GNAQ: variants seen among roughly 807,000 people sequenced by gnomAD.
The protein encoded by GNAQ is G protein subunit alpha q, also known as guanine nucleotide-binding protein G(q) subunit alpha.
A neutral mutation model predicts 43.9 loss-of-function variants in GNAQ; 8 were observed. The observed-to-expected ratio is 0.18, with a 90% CI of 0.11 to 0.33. GNAQ has a LOEUF of 0.33. GNAQ is among the 10% of genes least tolerant of loss of function. GNAQ has a pLI of 1.00. For synonymous variants in GNAQ, 155 were observed against 170.7 expected, an observed-to-expected ratio of 0.91 and a Z score of 0.71; for missense variants, 158 against 450.8, an observed-to-expected ratio of 0.35 and a Z score of 5.88.
intron 1 of GNAQ, among the ~76,000 whole-genome samples, chr9:77,981,819 T>C (rs577681529): frequency 3.7e-4 from 56 of 152,334 alleles, no homozygotes; most frequent in Admixed American, 1.4e-3. Flanking sequence ...TAGAAAGCTT[T>C]TGCATTTTCA....
intron 1 of GNAQ, among the ~76,000 whole-genome samples, chr9:78,023,731 A>T (rs188257270): frequency 3.5e-4 from 53 of 150,540 alleles, no homozygotes; most frequent in Admixed American, 8.6e-4. Context: ...GATGCTGATT[A>T]AAAAAAAAAT....
At chr9:77,864,808 C>G (rs528526529) in intron 2 of GNAQ, among the ~76,000 whole-genome samples, 1 of 152,312 alleles carries the variant, frequency 6.6e-6, no homozygotes, top group East Asian at 1.9e-4. Flanking sequence ...TTTTCTGGTT[C>G]TGCTCACTGT....
chr9:77,835,453 A>G (rs1827368161), intron 2 of GNAQ, among the ~76,000 whole-genome samples: 2 of 152,138 alleles, frequency 1.3e-5, no homozygotes, highest in South Asian at 2.1e-4. Context: ...AAATCTAACG[A>G]TTTAAAAATA....
intron 3 of GNAQ, among the ~76,000 whole-genome samples, chr9:77,814,613 T>C (rs1351320713): frequency 1.3e-5 from 2 of 152,192 alleles, no homozygotes; most frequent in African/African-American, 2.4e-5. Context: ...ACAATTTTAC[T>C]GAAAAAACAG....
At position 77,787,949 on chromosome 9, in the gene GNAQ, G is replaced by A. The variant is rs1185982809; in HGVS notation, c.735+6514C>T. On this transcript the variant is annotated intron_variant, in intron 5 of 6. Coordinates refer to ENST00000286548, the MANE Select transcript of GNAQ (RefSeq NM_002072.5). ...GGAGGCTGAGACAGGAGAGTCGCTC[G>A]AACCCGGGAGGCAGAGGCTGCAAGT... Among the ~76,000 whole-genome samples the A allele has an allele frequency of 5.3e-5, 8 of 152,286 alleles. No homozygotes were observed. In the South Asian group the frequency reaches 1.2e-3, roughly 24 times the overall value.
intron 5 of GNAQ, among the ~76,000 whole-genome samples, chr9:77,772,917 C>CA (rs1315396283): frequency 2.0e-5 from 3 of 152,020 alleles, no homozygotes; most frequent in Admixed American, 1.3e-4. Flanking sequence ...TAAACAAAAA[C>CA]AAAAAAACCA....
In GNAQ at chr9:77,967,911, C is replaced by G. The variant is rs566691467; in HGVS notation, c.137-45566G>C. Among the ~76,000 whole-genome samples the G allele has an allele frequency of 3.7e-4, 56 of 151,914 alleles. No individual in the cohort carries two copies. In the East Asian group the frequency reaches 4.1e-3, roughly 11 times the overall value. On this transcript the variant is annotated intron_variant, in intron 1 of 6. Transcript: ENST00000286548. ...AGGAGAATCGCTTGAACTTGGGAGGCGGAGGTTGCAGTGAACCGAGATCAT... is the reference window on the plus strand; with the variant it reads ...AGGAGAATCGCTTGAACTTGGGAGGGGGAGGTTGCAGTGAACCGAGATCAT...
intron 1 of GNAQ, among the ~76,000 whole-genome samples, chr9:77,976,440 T>C (rs1339074243): frequency 6.6e-6 from 1 of 152,210 alleles, no homozygotes; most frequent in Non-Finnish European, 1.5e-5. Context: ...TTGCCCAGGC[T>C]GGAGTGCAAT....
intron 2 of GNAQ, among the ~76,000 whole-genome samples, chr9:77,907,816 C>G (rs151173052): frequency 6.6e-6 from 1 of 152,140 alleles, no homozygotes; most frequent in Non-Finnish European, 1.5e-5. Flanking sequence ...CCTGGGGACA[C>G]GGCAGTAACT....
rs532298197 is a variant in GNAQ at position 77,794,797 on chromosome 9, T to C, written c.606-205A>G. Among the ~76,000 whole-genome samples the C allele has an allele frequency of 1.7e-4, 26 of 152,296 alleles. No individual in the cohort carries two copies. In the South Asian group the frequency reaches 5.2e-3, roughly 30 times the overall value. On this transcript the variant is annotated intron_variant, in intron 4 of 6. Coordinates refer to ENST00000286548, the MANE Select transcript of GNAQ (RefSeq NM_002072.5). ...TTAAAACATTCTGGGTAACACATCATGATGGTTTTAAGAAAGTTACCAGTG... is the reference window on the plus strand; with the variant it reads ...TTAAAACATTCTGGGTAACACATCACGATGGTTTTAAGAAAGTTACCAGTG...
chr9:77,990,180 T>C lies in GNAQ; in HGVS notation c.136+40920A>G, dbSNP rs141739189. Among the ~76,000 whole-genome samples, 390 of 152,336 alleles carry C rather than the reference T, an allele frequency of 2.6e-3. 4 individuals are homozygous for C. The Middle Eastern group carries it at 0.071, about 28-fold the overall frequency. ...CATTCTGTAGGTATTCAGTGCCTCA[T>C]GGAATTGGAGGATTCTTGTTGAAAA... On this transcript the variant is annotated intron_variant, in intron 1 of 6. Coordinates refer to ENST00000286548, the MANE Select transcript of GNAQ (RefSeq NM_002072.5).
At chr9:77,834,712 G>C (rs1272970053) in intron 2 of GNAQ, among the ~76,000 whole-genome samples, 1 of 152,152 alleles carries the variant, frequency 6.6e-6, no homozygotes, top group Admixed American at 6.5e-5. Flanking sequence ...GTACCAGAAA[G>C]GTAGTGACTT....
At chr9:77,921,049 CA>C (rs1564152271) in intron 2 of GNAQ, among the ~76,000 whole-genome samples, 1 of 152,104 alleles carries the variant, frequency 6.6e-6, no homozygotes, top group South Asian at 2.1e-4. Context: ...GTAGATTTAT[CA>C]AAAGTACTGA....
chr9:77,941,166 C>T (rs1191053952), intron 1 of GNAQ, among the ~76,000 whole-genome samples: 1 of 152,036 alleles, frequency 6.6e-6, no homozygotes, highest in Non-Finnish European at 1.5e-5. Flanking sequence ...ATTTGGAAAT[C>T]TAAGGCAAAA....
intron 1 of GNAQ, among the ~76,000 whole-genome samples, chr9:77,990,729 G>A (rs927935836): frequency 1.2e-4 from 19 of 152,176 alleles, no homozygotes; most frequent in African/African-American, 3.6e-4. Flanking sequence ...TGTTGGAATC[G>A]AAAATTTGGC....
intron 2 of GNAQ, among the ~76,000 whole-genome samples, chr9:77,837,847 ATTTT>A (rs71360655): frequency 1.6e-5 from 2 of 128,966 alleles, no homozygotes; most frequent in Non-Finnish European, 1.6e-5. Context: ...AGTGATTTAA[ATTTT>A]TTTTTTTTTT....
intron 2 of GNAQ, among the ~76,000 whole-genome samples, chr9:77,869,615 G>A (rs866024434): frequency 1.3e-5 from 2 of 152,088 alleles, no homozygotes; most frequent in African/African-American, 2.4e-5. Context: ...AGAAAAATTC[G>A]TAGCTAGTCT....
intron 2 of GNAQ, among the ~76,000 whole-genome samples, chr9:77,817,125 C>A (rs1030712041): frequency 2.4e-4 from 36 of 152,190 alleles, no homozygotes; most frequent in Non-Finnish European, 4.6e-4. Flanking sequence ...TCTTACCAGC[C>A]TGGAGTCCTG....
At chr9:77,854,845 T>G (rs1181635770) in intron 2 of GNAQ, among the ~76,000 whole-genome samples, 1 of 152,182 alleles carries the variant, frequency 6.6e-6, no homozygotes, top group Non-Finnish European at 1.5e-5. Context: ...AGAGGATAAT[T>G]ACAATAAGAT....
Sources: gnomAD v4.1 joint callset for allele counts (sites outside exome capture counted in the v4.1 genomes callset) on GRCh38, gnomAD v4.1.1 for gene constraint, MANE v1.5 for transcripts, NCBI Gene and HGNC (gene_info 2026-07-23, HGNC 2026-07-21) for gene names.